Variants in COL22A1 observed in about 807,000 individuals in gnomAD.
COL22A1 encodes the protein collagen alpha-1(XXII) chain.
A neutral mutation model predicts 248.9 loss-of-function variants in COL22A1; 221 were observed. The observed-to-expected ratio is 0.89, with a 90% CI of 0.80 to 0.99. The LOEUF (loss-of-function observed/expected upper bound fraction) is 0.99, where lower values mean the gene tolerates loss of function less well. Ranked by LOEUF, COL22A1 falls within the 50% of genes least tolerant of loss-of-function variation. The pLI is 0.00. For missense variants in COL22A1, 2,240 were observed against 2,179.0 expected (o/e 1.03, Z -0.56); for synonymous variants, 891 against 793.4 (o/e 1.12, Z -2.07).
intron 30 of COL22A1, among the ~76,000 whole-genome samples, chr8:138,712,622 C>A (rs370801262): frequency 2.4e-4 from 1 of 4,234 alleles, no homozygotes; most frequent in Admixed American, 2.1e-3. Flanking sequence ...GCAGAGGGTA[C>A]ATGTTCTATC....
chr8:138,755,320 G>A (rs1478728147), intron 20 of COL22A1, 110 bp from the exon 21 acceptor site: 45 of 1,321,568 alleles, frequency 3.4e-5, no homozygotes, highest in Admixed American at 2.0e-4. Flanking sequence ...CCAAGTTCTC[G>A]ATAGGGAGTA....
At chr8:138,722,764 C>T (rs996339112) in intron 25 of COL22A1, among the ~76,000 whole-genome samples, 2 of 151,070 alleles carry the variant, frequency 1.3e-5, no homozygotes, top group Non-Finnish European at 1.5e-5. Context: ...TAACGGACTC[C>T]ACCTCCAGGC....
At chr8:138,663,985 C>A (rs58255420) in intron 41 of COL22A1, among the ~76,000 whole-genome samples, 2 of 151,880 alleles carry the variant, frequency 1.3e-5, no homozygotes, top group South Asian at 2.1e-4. Flanking sequence ...ATCATCCCTG[C>A]GTGGCTCCTG....
intron 7 of COL22A1, among the ~76,000 whole-genome samples, chr8:138,815,628 TTCTG>T (rs1416321141): frequency 6.6e-6 from 1 of 152,218 alleles, no homozygotes; most frequent in Non-Finnish European, 1.5e-5. Flanking sequence ...CAATGAATGA[TTCTG>T]TCTGTTTCTT....
chr8:138,867,466 G>A (rs1822987321), intron 3 of COL22A1, among the ~76,000 whole-genome samples: 1 of 152,152 alleles, frequency 6.6e-6, no homozygotes, highest in Non-Finnish European at 1.5e-5. Context: ...AAGAACCACA[G>A]TAAAAACCAC....
At chr8:138,752,365 A>G (rs895265813) in intron 21 of COL22A1, among the ~76,000 whole-genome samples, 1 of 152,250 alleles carries the variant, frequency 6.6e-6, no homozygotes, top group South Asian at 2.1e-4. Flanking sequence ...TAATTATCAT[A>G]CTAATAGCTA....
intron 51 of COL22A1, among the ~76,000 whole-genome samples, chr8:138,625,304 GA>G (rs1445971026): frequency 1.3e-5 from 2 of 152,014 alleles, no homozygotes; most frequent in Admixed American, 1.3e-4. Context: ...TGGCAGGAGA[GA>G]ATTCAGTGCA....
chr8:138,807,217 A>G (rs1817806613), intron 10 of COL22A1, among the ~76,000 whole-genome samples: 1 of 152,150 alleles, frequency 6.6e-6, no homozygotes, highest in Non-Finnish European at 1.5e-5. Context: ...ATTTTCACCC[A>G]CACACTCAGT....
In COL22A1 at chr8:138,813,023, G is replaced by GA; in HGVS notation, c.1246-5dup. The GA allele has an allele frequency of 6.2e-7, 1 of 1,612,832 alleles. No homozygotes were observed. Among genetic ancestry groups the GA allele is most frequent in the South Asian group, 1.1e-5 (1 of 91,056 alleles). Reference sequence around the variant, plus strand: ...TCACAATCCGCTGTAGGTCAAACTGGAAAGGAAAGCAAGGAGAGAGGATAA... The same window carrying GA: ...TCACAATCCGCTGTAGGTCAAACTGGAAAAGGAAAGCAAGGAGAGAGGATAA... On this transcript the variant is annotated splice_polypyrimidine_tract_variant and splice_region_variant and intron_variant, in intron 7 of 64. Transcript: ENST00000303045.
chr8:138,741,734 C>T (rs976585966), intron 22 of COL22A1, among the ~76,000 whole-genome samples: 7 of 152,202 alleles, frequency 4.6e-5, no homozygotes, highest in African/African-American at 1.7e-4. Flanking sequence ...AATTCAACCA[C>T]CTAGCAGTGC....
intron 56 of COL22A1, among the ~76,000 whole-genome samples, chr8:138,612,921 G>A: frequency 9.0e-6 from 1 of 110,672 alleles, no homozygotes; most frequent in East Asian, 3.0e-4. Context: ...GGGTGACACA[G>A]CAGGACTCCA....
intron 50 of COL22A1, among the ~76,000 whole-genome samples, 157 bp from the exon 51 acceptor site, chr8:138,626,400 T>C (rs1820241835): frequency 1.3e-5 from 2 of 152,206 alleles, no homozygotes; most frequent in Admixed American, 1.3e-4. Flanking sequence ...TCTGAGCTGT[T>C]TCCCCCAAGG....
intron 47 of COL22A1, among the ~76,000 whole-genome samples, chr8:138,643,328 A>C (rs2130468017): frequency 6.6e-6 from 1 of 152,238 alleles, no homozygotes; most frequent in Admixed American, 6.5e-5. Flanking sequence ...CTCTGTCAAA[A>C]CCATCTAAAT....
At chr8:138,636,430 GA>G (rs1044522734) in intron 48 of COL22A1, among the ~76,000 whole-genome samples, 18 of 138,886 alleles carry the variant, frequency 1.3e-4, no homozygotes, top group Non-Finnish European at 2.0e-4. Flanking sequence ...CCATTTCAGT[GA>G]AAAAAAAAGT....
intron 22 of COL22A1, among the ~76,000 whole-genome samples, chr8:138,750,888 A>C (rs1328238417): frequency 6.6e-6 from 1 of 152,250 alleles, no homozygotes; most frequent in African/African-American, 2.4e-5. Context: ...ATAGGGGTAC[A>C]ACCCAAGCAT....
intron 16 of COL22A1, 140 bp from the exon 17 acceptor site, chr8:138,762,606 A>ACC: frequency 6.3e-6 from 4 of 639,370 alleles, no homozygotes; most frequent in South Asian, 5.4e-5. Context: ...ACACACACAC[A>ACC]CACAACAGCC....
At chr8:138,649,868 T>G in intron 45 of COL22A1, 90 bp from the exon 46 acceptor site, 2 of 736,810 alleles carry the variant, frequency 2.7e-6, no homozygotes, top group Non-Finnish European at 4.3e-6. Flanking sequence ...CTGCTATCTC[T>G]CCAGATGGAG....
At chr8:138,810,417 C>T (rs1818114620) in intron 9 of COL22A1, among the ~76,000 whole-genome samples, 1 of 152,164 alleles carries the variant, frequency 6.6e-6, no homozygotes, top group Admixed American at 6.5e-5. Flanking sequence ...ATGTAAAAAC[C>T]ATATCCTCAG....
At chr8:138,611,295 G>A (rs1002924427) in intron 56 of COL22A1, among the ~76,000 whole-genome samples, 5 of 152,186 alleles carry the variant, frequency 3.3e-5, no homozygotes, top group African/African-American at 4.8e-5. Flanking sequence ...TCCTTGTTCC[G>A]TCCAGATTGC....
Sources: allele counts gnomAD v4.1 joint callset (sites outside exome capture counted in the v4.1 genomes callset), GRCh38; gene constraint gnomAD v4.1.1; transcripts MANE v1.5; gene names NCBI Gene and HGNC (gene_info 2026-07-23, HGNC 2026-07-21).